Variants in IPP observed in about 807,000 individuals in gnomAD.
IPP encodes the protein actin-binding protein IPP.
IPP carries 41 observed loss-of-function variants against 64.1 expected under a neutral mutation model. The ratio of observed to expected loss-of-function variants is 0.64; its 90% CI spans 0.50 to 0.83. IPP has a LOEUF of 0.83. Ranked by LOEUF, IPP falls within the 40% of genes least tolerant of loss-of-function variation. IPP has a pLI of 0.00. For missense variants in IPP, 649 were observed against 703.0 expected (o/e 0.92, Z 0.87); for synonymous variants, 214 against 235.2 (o/e 0.91, Z 0.83).
intron 8 of IPP, among the ~76,000 whole-genome samples, chr1:45,709,632 C>G (rs1261313076): frequency 6.8e-6 from 1 of 147,582 alleles, no homozygotes; most frequent in African/African-American, 2.5e-5. Flanking sequence ...ATCACGAGGT[C>G]AGGAGATCAT....
At chr1:45,738,839 C>CAAAAAAAAAAAAAAAAAAA (rs752168393) in intron 3 of IPP, among the ~76,000 whole-genome samples, 1 of 7,692 alleles carries the variant, frequency 1.3e-4, no homozygotes, top group Non-Finnish European at 3.7e-4. Flanking sequence ...GACTCCATCT[C>CAAAAAAAAAAAAAAAAAAA]AAAAAAAAAA....
intron 3 of IPP, among the ~76,000 whole-genome samples, chr1:45,734,746 A>T (rs1350226726): frequency 6.6e-6 from 1 of 151,798 alleles, no homozygotes; most frequent in African/African-American, 2.4e-5. Context: ...CAGCTTCCTG[A>T]GTGGCTGGGA....
Position 45,700,135 on chromosome 1 carries a change from A to G in IPP, c.1586T>C (p.Val529Ala), listed in dbSNP as rs776744736. 1.9e-6 allele frequency: 3 copies of G among 1,614,084 alleles called. No homozygotes were observed. In the Admixed American group the frequency reaches 5.0e-5, roughly 27 times the overall value. Residue 529 changes from valine to alanine, a missense_variant, in exon 9 of 9, where the codon GTG (valine) becomes GCG (alanine). Val to Ala is a moderately conservative substitution (Grantham distance 64, BLOSUM62 0). Coordinates refer to ENST00000396478, the MANE Select transcript of IPP (RefSeq NM_005897.3). Reference sequence around the variant, plus strand: ...AACATACAGAAGACCATTGACTGCCACAACACACATGCCTGCTCTAGGCAC... The same window carrying G: ...AACATACAGAAGACCATTGACTGCCGCAACACACATGCCTGCTCTAGGCAC... ...MKVPRAGMCV[V>A]AVNGLLYVSG...
rs778981327 is a variant in IPP, at chr1:45,714,415, G to C, written c.1361C>G (p.Ser454Cys). The C allele has an allele frequency of 1.2e-5, 19 of 1,613,908 alleles. No homozygotes were observed. The highest frequency in any genetic ancestry group is 1.6e-5 in the Non-Finnish European group (19 of 1,179,906). The stretch of plus-strand genomic sequence containing the variant: ...AGAAAGTGGATCATAGACTTCAAAA[G>C]AACGAAGTTCTATTCCTTCATTGCT... ...GISNEGIELRSFEVYDPLSKR... is the reference protein window; with the variant it reads ...GISNEGIELRCFEVYDPLSKR... Residue 454 changes from serine (S) to cysteine (C), a missense_variant, in exon 8 of 9, where the codon TCT becomes TGT. By Grantham distance (112) the Ser-to-Cys change is moderately radical (BLOSUM62 -1). Coordinates refer to ENST00000396478, the MANE Select transcript of IPP (RefSeq NM_005897.3).
rs775387137 is a variant in IPP, at chr1:45,714,419, G to A, written c.1357C>T (p.Arg453Cys). The change falls in exon 8 of 9, where the codon CGT becomes TGT. Residue 453 changes from arginine (R) to cysteine (C), a missense_variant. Coordinates refer to ENST00000396478, the MANE Select transcript of IPP (RefSeq NM_005897.3). ...AGTGGATCATAGACTTCAAAAGAAC[G>A]AAGTTCTATTCCTTCATTGCTGATG... ...GGISNEGIEL[R>C]SFEVYDPLSK... 12 of 1,613,664 alleles carry A rather than the reference G, an allele frequency of 7.4e-6. No individual in the cohort carries two copies. The highest frequency in any genetic ancestry group is 4.0e-5 in the African/African-American group (3 of 74,922).
At chr1:45,738,501 T>C (rs1046857828) in intron 3 of IPP, among the ~76,000 whole-genome samples, 2 of 152,052 alleles carry the variant, frequency 1.3e-5, no homozygotes, top group Non-Finnish European at 2.9e-5. Context: ...CATGAGTTCA[T>C]TGTTAATGAA....
Position 45,719,165 on chromosome 1 carries a change from AC to A in IPP, c.1186+37del, listed in dbSNP as rs769511705. 23 of 1,601,084 alleles carry A rather than the reference AC, an allele frequency of 1.4e-5. No homozygotes were observed. In the African/African-American group the frequency reaches 2.6e-4, roughly 18 times the overall value. On this transcript the variant is annotated intron_variant, in intron 6 of 8. Transcript: ENST00000396478. ...AAAAATGAAAATTAAAAATACATAA[AC>A]AATATTAGCTATCTTTAAACTGAAC...
chr1:45,745,030 C>T (rs1646116550), intron 2 of IPP, among the ~76,000 whole-genome samples: 1 of 151,974 alleles, frequency 6.6e-6, no homozygotes, highest in African/African-American at 2.4e-5. Flanking sequence ...CACCACACTC[C>T]AGCCTAGACA....
At chr1:45,730,743 C>A (rs1038351955) in intron 3 of IPP, among the ~76,000 whole-genome samples, 5 of 152,196 alleles carry the variant, frequency 3.3e-5, no homozygotes, top group Admixed American at 3.3e-4. Context: ...TGTCTCCTAT[C>A]CTTCCATCTC....
At chr1:45,724,679 T>C (rs1645785141) in intron 5 of IPP, among the ~76,000 whole-genome samples, 1 of 149,062 alleles carries the variant, frequency 6.7e-6, no homozygotes, top group African/African-American at 2.5e-5. Context: ...CAACCCTGTC[T>C]GGGAGGTGAG....
intron 7 of IPP, 86 bp from the exon 8 acceptor site, chr1:45,714,552 A>G (rs367794190): frequency 1.0e-5 from 8 of 800,786 alleles, no homozygotes; most frequent in African/African-American, 8.5e-5. Context: ...CTATGTTTCC[A>G]ATGCCGATGC....
At chr1:45,694,390 C>T (rs996386916), downstream of IPP, 5 of 1,091,096 alleles carry the variant, frequency 4.6e-6, no homozygotes, top group Middle Eastern at 2.0e-4. Context: ...TCCACTTAAA[C>T]ATTTCAATAT....
chr1:45,741,623 CTTTTTTTTTTTT>C (rs57797396), intron 2 of IPP, among the ~76,000 whole-genome samples: 1 of 96,128 alleles, frequency 1.0e-5, no homozygotes, highest in Non-Finnish European at 2.1e-5. Context: ...TTCTTATTTT[CTTTTTTTTTTTT>C]TTTTTTTTTT....
At chr1:45,714,160 A>T in intron 8 of IPP, 86 bp downstream of exon 8, 1 of 967,808 alleles carries the variant, frequency 1.0e-6, no homozygotes, top group Non-Finnish European at 1.6e-6. Flanking sequence ...GATCAATATC[A>T]TGAGTGAAAA....
At chr1:45,741,435 G>T in intron 2 of IPP, 103 bp from the exon 3 acceptor site, 1 of 782,972 alleles carries the variant, frequency 1.3e-6, no homozygotes, top group Non-Finnish European at 2.0e-6. Flanking sequence ...TTTGATGCCT[G>T]CAGAGTAGAC....
chr1:45,718,101 C>T (rs1387423912), intron 6 of IPP, among the ~76,000 whole-genome samples: 2 of 152,148 alleles, frequency 1.3e-5, no homozygotes, highest in Non-Finnish European at 2.9e-5. Flanking sequence ...GAATACCTTG[C>T]TCATAATCAT....
chr1:45,727,870 A>G lies in IPP; in HGVS notation c.881-72T>C, dbSNP rs1016516237. 6 of 1,060,994 alleles carry G rather than the reference A, an allele frequency of 5.7e-6. No homozygotes were observed. In the East Asian group the frequency reaches 7.5e-5, roughly 13 times the overall value. The allele number at this position is 1,060,994 out of a possible 1,614,324, so 65.7% of individuals were successfully genotyped here. A position where few individuals can be genotyped will look rare whatever the true frequency, so the allele number is the denominator to read the frequency against. On this transcript the variant is annotated intron_variant, in intron 4 of 8. Coordinates refer to ENST00000396478, the MANE Select transcript of IPP (RefSeq NM_005897.3). ...TCTAAACATTTAGTATAACTACTATATAACAAGAAATAAATGGTTTAGAAA... is the reference window on the plus strand; with the variant it reads ...TCTAAACATTTAGTATAACTACTATGTAACAAGAAATAAATGGTTTAGAAA...
intron 1 of IPP, among the ~76,000 whole-genome samples, chr1:45,747,445 G>A (rs1048503799): frequency 6.6e-6 from 1 of 152,076 alleles, no homozygotes; most frequent in Non-Finnish European, 1.5e-5. Context: ...TCTGAATCCA[G>A]GCCTTCTTAC....
chr1:45,721,141 T>C (rs908902412), intron 5 of IPP, among the ~76,000 whole-genome samples: 4 of 152,046 alleles, frequency 2.6e-5, no homozygotes, highest in Non-Finnish European at 4.4e-5. Flanking sequence ...GTACAGAAAA[T>C]AATTAACATA....
Sources: gnomAD v4.1 joint callset for allele counts (sites outside exome capture counted in the v4.1 genomes callset) on GRCh38, gnomAD v4.1.1 for gene constraint, MANE v1.5 for transcripts, NCBI Gene and HGNC (gene_info 2026-07-23, HGNC 2026-07-21) for gene names.